Variants in PRDM9 observed in about 807,000 individuals in gnomAD.
PRDM9 encodes the protein histone-lysine N-methyltransferase PRDM9.
Under a neutral mutation model 55.6 loss-of-function variants are expected in PRDM9, and 47 were observed. That is an observed-to-expected ratio of 0.85 (90% confidence interval 0.67 to 1.08). The LOEUF (loss-of-function observed/expected upper bound fraction) is 1.08, where lower values mean the gene tolerates loss of function less well. Among genes scored for constraint, PRDM9 ranks in the 50% least tolerant of loss-of-function variants. PRDM9 has a pLI of 0.00. For synonymous variants in PRDM9, 312 were observed against 375.7 expected (o/e 0.83, Z 1.96); for missense variants, 867 against 1,040.3 (o/e 0.83, Z 2.29).
At chr5:23,513,143 C>T (rs1019961186) in intron 4 of PRDM9, among the ~76,000 whole-genome samples, 1 of 151,996 alleles carries the variant, frequency 6.6e-6, no homozygotes, top group Non-Finnish European at 1.5e-5. Context: ...ATATTGTATA[C>T]CCAGAAGTGG....
At position 23,526,708 on chromosome 5, in the gene PRDM9, T is replaced by C. The variant is rs762402251; in HGVS notation, c.1620T>C (p.Ile540=). ...GQGFSVKSDV[I]THQRTHTGEK... Reference sequence around the variant, plus strand: ...GTTTCAGTGTTAAATCAGATGTTATTACACACCAAAGGACACATACAGGGG... The same window carrying C: ...GTTTCAGTGTTAAATCAGATGTTATCACACACCAAAGGACACATACAGGGG... The change falls in exon 11 of 11, where the codon ATT becomes ATC. Residue 540 remains isoleucine, a synonymous_variant. Coordinates refer to ENST00000296682, the MANE Select transcript of PRDM9 (RefSeq NM_020227.4). The C allele has an allele frequency of 1.9e-6, 3 of 1,614,234 alleles. No homozygotes were observed. The highest frequency in any genetic ancestry group is 4.5e-5 in the East Asian group (2 of 44,886).
At position 23,516,687 on chromosome 5, in the gene PRDM9, C is replaced by T. The variant is rs1483074765; in HGVS notation, c.302-1194C>T. ...ATGCTCGGCCCGAATTCATGTATTA[C>T]TTCTAACAATTTTTTGGTAAAAATC... On this transcript the variant is annotated intron_variant, in intron 4 of 10. Coordinates refer to ENST00000296682, the MANE Select transcript of PRDM9 (RefSeq NM_020227.4). 2.0e-5 allele frequency among the ~76,000 whole-genome samples: 3 copies of T among 148,994 alleles called. No homozygotes were observed. The Admixed American group carries it at 2.0e-4, about 10-fold the overall frequency.
intron 6 of PRDM9, 73 bp downstream of exon 6, chr5:23,521,252 A>T: frequency 2.6e-6 from 4 of 1,562,614 alleles, no homozygotes; most frequent in Non-Finnish European, 3.5e-6. Flanking sequence ...TGGTCTACCT[A>T]TGTGGGGTGG....
Position 23,525,698 on chromosome 5 carries a change from T to C in PRDM9, c.1145-535T>C, listed in dbSNP as rs181820703. ...AATTCAGATTTGCTCACACATCTTC[T>C]CTTTAACCACATTTGTGGATCTCCA... On this transcript the variant is annotated intron_variant, in intron 10 of 10. Coordinates refer to ENST00000296682, the MANE Select transcript of PRDM9 (RefSeq NM_020227.4). Among the ~76,000 whole-genome samples the C allele has an allele frequency of 9.8e-5, 15 of 152,334 alleles. No homozygotes were observed. In the East Asian group the frequency reaches 2.7e-3, roughly 27 times the overall value.
At chr5:23,510,803 C>G (rs1739080557) in intron 4 of PRDM9, among the ~76,000 whole-genome samples, 1 of 152,006 alleles carries the variant, frequency 6.6e-6, no homozygotes, top group African/African-American at 2.4e-5. Context: ...TCCCAAAGTG[C>G]TAGGATTACA....
At chr5:23,513,381 A>G (rs2126412521) in intron 4 of PRDM9, among the ~76,000 whole-genome samples, 1 of 152,286 alleles carries the variant, frequency 6.6e-6, no homozygotes, top group Non-Finnish European at 1.5e-5. Context: ...CGCCACTATC[A>G]CAGGAGTGGG....
intron 9 of PRDM9, 26 bp downstream of exon 9, chr5:23,523,384 C>CAG (rs764203427): frequency 1.6e-5 from 25 of 1,590,528 alleles, no homozygotes; most frequent in Non-Finnish European, 1.8e-5. Flanking sequence ...CTCTGAGTTG[C>CAG]AGAGAGAACC....
At position 23,514,021 on chromosome 5, in the gene PRDM9, C is replaced by T. The variant is rs370707157; in HGVS notation, c.302-3860C>T. ...AAATTTCTCCGCATCTTCGCCAACA[C>T]TTGCTATTTTCTGTTTTTTTGACAG... On this transcript the variant is annotated intron_variant, in intron 4 of 10. Transcript: ENST00000296682. 4.6e-5 allele frequency among the ~76,000 whole-genome samples: 7 copies of T among 152,236 alleles called. No homozygotes were observed. In the East Asian group the frequency reaches 5.8e-4, roughly 13 times the overall value.
rs1302013225 is a variant in PRDM9, at chr5:23,521,130, C to T, written c.459C>T (p.Ser153=). Residue 153 remains serine, a synonymous_variant, in exon 6 of 11, where the codon TCC becomes TCT. Transcript: ENST00000296682. ...CAGAGCAGGCTCAGAAACCAGTGTC[C>T]CCTTCTGGAGAAGCAAGTACCTCTG... ...SGSEQAQKPV[S]PSGEASTSGQ... The T allele has an allele frequency of 1.2e-6, 2 of 1,613,914 alleles. No homozygotes were observed. Among genetic ancestry groups the T allele is most frequent in the Non-Finnish European group, 8.5e-7 (1 of 1,180,022 alleles).
chr5:23,507,285 G>C (rs1359876314), upstream of PRDM9: 1 of 152,420 alleles, frequency 6.6e-6, no homozygotes, highest in Non-Finnish European at 1.5e-5. Context: ...GAGCAGCCCC[G>C]ACGCCCGACT....
intron 6 of PRDM9, 152 bp from the exon 7 acceptor site, chr5:23,522,152 C>G (rs1739338650): frequency 2.7e-6 from 2 of 749,074 alleles, no homozygotes; most frequent in South Asian, 2.9e-5. Flanking sequence ...GGTGTGGGGT[C>G]TAAGTCTCTC....
chr5:23,516,699 T>C (rs1739216959), intron 4 of PRDM9, among the ~76,000 whole-genome samples: 1 of 149,598 alleles, frequency 6.7e-6, no homozygotes, highest in South Asian at 2.1e-4. Flanking sequence ...TCTAACAATT[T>C]TTTGGTAAAA....
upstream of PRDM9, chr5:23,507,397 A>G (rs1423177829): frequency 6.6e-6 from 1 of 152,146 alleles, no homozygotes; most frequent in Non-Finnish European, 1.5e-5. Flanking sequence ...GAGGGGAGGG[A>G]CCTTCCTCAG....
chr5:23,523,008 A>C (rs1739364995), intron 8 of PRDM9, 123 bp downstream of exon 8: 2 of 1,540,248 alleles, frequency 1.3e-6, no homozygotes, highest in Non-Finnish European at 1.8e-6. Flanking sequence ...CTGTGTACTC[A>C]AGGTTCTTTG....
chr5:23,509,133 C>G (rs1256611846), intron 2 of PRDM9, 31 bp downstream of exon 2: 1 of 1,611,764 alleles, frequency 6.2e-7, no homozygotes, highest in Non-Finnish European at 8.5e-7. Context: ...AGCTGGACTC[C>G]TAGCAGGAGC....
At chr5:23,522,095 G>A (rs188185099) in intron 6 of PRDM9, among the ~76,000 whole-genome samples, 29 of 152,326 alleles carry the variant, frequency 1.9e-4, no homozygotes, top group Non-Finnish European at 3.8e-4. Context: ...ATGGTATAAT[G>A]AGAACAGCCA....
At position 23,522,664 on chromosome 5, in the gene PRDM9, C is replaced by G. The variant is rs201023018; in HGVS notation, c.661C>G (p.Pro221Ala). 3.5e-4 allele frequency: 566 copies of G among 1,614,188 alleles called. No homozygotes were observed. The African/African-American group carries it at 6.7e-3, about 19-fold the overall frequency. Reference protein sequence around the residue: ...FFIDSCAAHGPPTFVKDSAVD... With the variant: ...FFIDSCAAHGAPTFVKDSAVD... ...CATTGACAGCTGTGCTGCCCATGGGCCCCCTACATTTGTAAAGGACAGTGC... is the reference window on the plus strand; with the variant it reads ...CATTGACAGCTGTGCTGCCCATGGGGCCCCTACATTTGTAAAGGACAGTGC... Residue 221 changes from proline (P) to alanine (A), a missense_variant, in exon 8 of 11, where the codon CCC becomes GCC. Pro to Ala is a conservative substitution (Grantham distance 27). This residue lies in a region of PRDM9 where 662 missense variants were observed against 711.9 expected (regional missense o/e 0.93). Coordinates refer to ENST00000296682, the MANE Select transcript of PRDM9 (RefSeq NM_020227.4).
At chr5:23,520,014 A>T (rs1293097278) in intron 5 of PRDM9, among the ~76,000 whole-genome samples, 1 of 150,496 alleles carries the variant, frequency 6.6e-6, no homozygotes, top group Non-Finnish European at 1.5e-5. Flanking sequence ...ACTGCACTCC[A>T]GCTTAGGCAA....
At chr5:23,526,195 A>G (rs746676138) in intron 10 of PRDM9, 38 bp from the exon 11 acceptor site, 28 of 1,583,004 alleles carry the variant, frequency 1.8e-5, no homozygotes, top group Non-Finnish European at 2.3e-5. Flanking sequence ...TAAGGCCTGA[A>G]CAAAACATCT....
Sources: gnomAD v4.1 joint callset for allele counts (sites outside exome capture counted in the v4.1 genomes callset) on GRCh38, gnomAD v4.1.1 for gene constraint, gnomAD v4.1.1 regional missense constraint, MANE v1.5 for transcripts, NCBI Gene and HGNC (gene_info 2026-07-23, HGNC 2026-07-21) for gene names.